The following ADAM10 variants were observed in gnomAD, a reference collection of about 807,000 sequenced individuals.
ADAM10 encodes the protein disintegrin and metalloproteinase domain-containing protein 10.
A neutral mutation model predicts 90.1 loss-of-function variants in ADAM10; 17 were observed. The observed-to-expected ratio is 0.19, with a 90% CI of 0.13 to 0.28. The LOEUF is 0.28. ADAM10 is among the 10% of genes least tolerant of loss of function. The pLI is 1.00. For missense variants in ADAM10, 610 were observed against 914.3 expected, an observed-to-expected ratio of 0.67 and a Z score of 4.29; for synonymous variants, 310 against 298.6, an observed-to-expected ratio of 1.04 and a Z score of -0.40.
rs1894935703 is a variant in ADAM10 at position 58,595,860 on chromosome 15, A to T, written c.*1687T>A. The T allele has an allele frequency of 6.6e-6, 1 of 152,184 alleles. No individual in the cohort carries two copies. Among genetic ancestry groups the T allele is most frequent in the Non-Finnish European group, 1.5e-5 (1 of 68,002 alleles). The allele number at this position is 152,184 out of a possible 1,614,324, so 9.4% of individuals were successfully genotyped here. Reference sequence around the variant, plus strand: ...AAAGGCATTTAAATGATTTAAAAGCAATTACATACATATCTACCTACTTGT... The same window carrying T: ...AAAGGCATTTAAATGATTTAAAAGCTATTACATACATATCTACCTACTTGT... On this transcript the variant is annotated 3_prime_UTR_variant, in exon 16 of 16. Transcript: ENST00000260408.
chr15:58,687,701 C>T (rs192902345), intron 2 of ADAM10, among the ~76,000 whole-genome samples: 28 of 151,206 alleles, frequency 1.9e-4, no homozygotes, highest in Non-Finnish European at 2.9e-4. Flanking sequence ...TATATCCATA[C>T]AATAGGATAG....
At chr15:58,669,313 T>A (rs1897143779) in intron 4 of ADAM10, among the ~76,000 whole-genome samples, 2 of 152,096 alleles carry the variant, frequency 1.3e-5, no homozygotes, top group African/African-American at 4.8e-5. Context: ...CAACAGCTGG[T>A]TTCCTTCCAT....
At position 58,695,680 on chromosome 15, in the gene ADAM10, T is replaced by TA. The variant is rs1325198941; in HGVS notation, c.207-13367dup. Among the ~76,000 whole-genome samples, 411 of 147,772 alleles carry TA rather than the reference T, an allele frequency of 2.8e-3. 2 individuals carry two copies. Among genetic ancestry groups the TA allele is most frequent in the African/African-American group, 6.9e-3 (277 of 40,240 alleles). On this transcript the variant is annotated intron_variant, in intron 2 of 15. Transcript: ENST00000260408. The stretch of plus-strand genomic sequence containing the variant: ...CCTGGCCAACAGAGCAAGACTTGTC[T>TA]AAAAAAAAAAGAACGAACATTCTGG...
At chr15:58,647,796 TCCTGTCTCAGCTTCC>T (rs1324493265) in intron 5 of ADAM10, among the ~76,000 whole-genome samples, 1 of 152,172 alleles carries the variant, frequency 6.6e-6, no homozygotes, top group Admixed American at 6.5e-5. Flanking sequence ...CAAGTAATCC[TCCTGTCTCAGCTTCC>T]CGAAGTACTG....
At position 58,646,204 on chromosome 15, in the gene ADAM10, T is replaced by A. The variant is rs767814370; in HGVS notation, c.586A>T (p.Ile196Leu). Reference protein sequence around the residue: ...QMTGVEEVTQIPQEEHAANGP... With the variant: ...QMTGVEEVTQLPQEEHAANGP... Reference sequence around the variant, plus strand: ...TTAGCAGCATGTTCTTCTTGAGGTATCTATACATCAAAAAGTCATTTCTGA... The same window carrying A: ...TTAGCAGCATGTTCTTCTTGAGGTAACTATACATCAAAAAGTCATTTCTGA... Residue 196 changes from isoleucine (I) to leucine (L), a missense_variant and splice_region_variant, in exon 6 of 16, where the codon ATA becomes TTA. By Grantham distance (5) the Ile-to-Leu change is conservative. This residue lies in a region of ADAM10 where 310 missense variants were observed against 362.4 expected (regional missense o/e 0.86). Coordinates refer to ENST00000260408, the MANE Select transcript of ADAM10 (RefSeq NM_001110.4). The A allele has an allele frequency of 7.4e-6, 12 of 1,611,994 alleles. No individual in the cohort carries two copies. The Admixed American group carries it at 1.8e-4, about 25-fold the overall frequency.
At position 58,592,506 on chromosome 15, in the gene ADAM10, A is replaced by G. The variant is rs1894844005; in HGVS notation, c.*5041T>C. On this transcript the variant is annotated 3_prime_UTR_variant, in exon 16 of 16. Transcript: ENST00000260408. ...GAATCTTTCTGATCTGGTACAAAAC[A>G]ATGTTTCCTAGGTTCTTCTTGTACA... 6.6e-6 allele frequency: 1 copy of G among 152,234 alleles called. No homozygotes were observed. Among genetic ancestry groups the G allele is most frequent in the Non-Finnish European group, 1.5e-5 (1 of 68,014 alleles). The allele number at this position is 152,234 out of a possible 1,614,324, so 9.4% of individuals were successfully genotyped here.
chr15:58,677,613 A>C (rs553714852), intron 4 of ADAM10, among the ~76,000 whole-genome samples: 1 of 152,332 alleles, frequency 6.6e-6, no homozygotes, highest in East Asian at 1.9e-4. Context: ...CAGAAGTCAA[A>C]ACAGGCAGAA....
intron 2 of ADAM10, among the ~76,000 whole-genome samples, chr15:58,686,800 G>A (rs1310063900): frequency 6.6e-6 from 1 of 152,200 alleles, no homozygotes; most frequent in African/African-American, 2.4e-5. Flanking sequence ...AGGAAACTGG[G>A]TGAAGGAATA....
chr15:58,632,650 CT>C (rs1456763149), intron 9 of ADAM10, among the ~76,000 whole-genome samples: 1 of 152,140 alleles, frequency 6.6e-6, no homozygotes, highest in African/African-American at 2.4e-5. Flanking sequence ...ATTTGTTCTA[CT>C]TTTGTGTATG....
intron 2 of ADAM10, among the ~76,000 whole-genome samples, chr15:58,702,301 G>A (rs1415396224): frequency 2.0e-5 from 3 of 152,168 alleles, no homozygotes; most frequent in Non-Finnish European, 4.4e-5. Flanking sequence ...GCAAGGGTGA[G>A]TGGGTGGGGC....
chr15:58,718,063 G>A (rs1898724450), intron 1 of ADAM10, among the ~76,000 whole-genome samples: 1 of 152,102 alleles, frequency 6.6e-6, no homozygotes, highest in African/African-American at 2.4e-5. Context: ...TTAGGAGGCT[G>A]AGATGGAAGG....
At chr15:58,745,540 A>C (rs1226275900) in intron 1 of ADAM10, among the ~76,000 whole-genome samples, 1 of 152,196 alleles carries the variant, frequency 6.6e-6, no homozygotes, top group African/African-American at 2.4e-5. Context: ...ACATCTAATA[A>C]CCTAATGCTG....
chr15:58,614,698 G>GA (rs1404930587), intron 11 of ADAM10, among the ~76,000 whole-genome samples: 1 of 151,992 alleles, frequency 6.6e-6, no homozygotes, highest in Non-Finnish European at 1.5e-5. Flanking sequence ...GCAAAAATAG[G>GA]AAATTCATCA....
intron 4 of ADAM10, among the ~76,000 whole-genome samples, chr15:58,675,985 A>G (rs1203338948): frequency 6.6e-6 from 1 of 152,238 alleles, no homozygotes; most frequent in Non-Finnish European, 1.5e-5. Flanking sequence ...TCTGAAAATA[A>G]ATTATTAGTA....
At chr15:58,679,978 C>T (rs1213376910) in intron 3 of ADAM10, among the ~76,000 whole-genome samples, 1 of 152,128 alleles carries the variant, frequency 6.6e-6, no homozygotes, top group Non-Finnish European at 1.5e-5. Flanking sequence ...ATAAAATACA[C>T]ACTTTCAGAA....
At chr15:58,651,726 T>C (rs1396694037) in intron 5 of ADAM10, among the ~76,000 whole-genome samples, 2 of 152,112 alleles carry the variant, frequency 1.3e-5, no homozygotes, top group Non-Finnish European at 2.9e-5. Context: ...AACATGGGAG[T>C]GCAGCTATCT....
intron 1 of ADAM10, among the ~76,000 whole-genome samples, chr15:58,735,937 C>T (rs534470498): frequency 3.9e-4 from 60 of 152,286 alleles, no homozygotes; most frequent in African/African-American, 1.4e-3. Flanking sequence ...TGGAGAAATA[C>T]ATGCTACCTG....
chr15:58,617,535 A>G (rs1226598009), intron 11 of ADAM10, among the ~76,000 whole-genome samples: 2 of 152,206 alleles, frequency 1.3e-5, no homozygotes, highest in Non-Finnish European at 2.9e-5. Context: ...ACTGTTATCA[A>G]TATAGTAATG....
intron 1 of ADAM10, among the ~76,000 whole-genome samples, chr15:58,745,064 T>C (rs1899746507): frequency 6.6e-6 from 1 of 152,146 alleles, no homozygotes; most frequent in African/African-American, 2.4e-5. Flanking sequence ...GCACCTGTAG[T>C]CCTAGCTACT....
Sources: allele counts gnomAD v4.1 joint callset (sites outside exome capture counted in the v4.1 genomes callset), GRCh38; gene constraint gnomAD v4.1.1; regional missense constraint gnomAD v4.1.1; transcripts MANE v1.5; gene names NCBI Gene and HGNC (gene_info 2026-07-23, HGNC 2026-07-21).